NR5A2: variants seen among roughly 807,000 people sequenced by gnomAD.
The protein encoded by NR5A2 is CYP7A promoter-binding factor.
Under a neutral mutation model 62.7 loss-of-function variants are expected in NR5A2, and 26 were observed. The ratio of observed to expected loss-of-function variants is 0.41; its 90% CI spans 0.30 to 0.58. NR5A2 has a LOEUF of 0.58. Ranked by LOEUF, NR5A2 falls within the 20% of genes least tolerant of loss-of-function variation. NR5A2 has a pLI of 0.22. For synonymous variants in NR5A2, 246 were observed against 241.7 expected (o/e 1.02, Z -0.16); for missense variants, 541 against 669.1 (o/e 0.81, Z 2.11).
At chr1:200,037,172 C>G (rs1056979712) in intron 1 of NR5A2, among the ~76,000 whole-genome samples, 1 of 152,200 alleles carries the variant, frequency 6.6e-6, no homozygotes, top group Non-Finnish European at 1.5e-5. Context: ...GCGTTATGAG[C>G]ATGGTCACAA....
At chr1:200,160,683 G>A (rs1454686423) in intron 7 of NR5A2, among the ~76,000 whole-genome samples, 2 of 151,468 alleles carry the variant, frequency 1.3e-5, no homozygotes, top group Non-Finnish European at 2.9e-5. Flanking sequence ...ACCTGAGGCA[G>A]TTTTCCTCAT....
intron 7 of NR5A2, among the ~76,000 whole-genome samples, chr1:200,145,052 C>G (rs1459765109): frequency 6.6e-6 from 1 of 152,172 alleles, no homozygotes; most frequent in Non-Finnish European, 1.5e-5. Context: ...TGGCTCACAC[C>G]TGTAATCCCA....
At chr1:200,061,042 C>A (rs115221859) in intron 5 of NR5A2, among the ~76,000 whole-genome samples, 5,802 of 148,622 alleles carry the variant, frequency 0.039, 320 homozygotes, top group African/African-American at 0.13. Flanking sequence ...ATTGGTCGAA[C>A]CCAGGAGGCG....
intron 7 of NR5A2, among the ~76,000 whole-genome samples, chr1:200,134,405 A>G (rs1247379500): frequency 6.6e-6 from 1 of 152,144 alleles, no homozygotes; most frequent in African/African-American, 2.4e-5. Flanking sequence ...TTTTTACTAT[A>G]CCTTGTTTTC....
intron 5 of NR5A2, among the ~76,000 whole-genome samples, chr1:200,096,394 GC>G (rs1665101157): frequency 1.3e-5 from 2 of 152,222 alleles, no homozygotes; most frequent in African/African-American, 4.8e-5. Context: ...GGCCTGTGCT[GC>G]CTTCCTGACA....
intron 7 of NR5A2, among the ~76,000 whole-genome samples, chr1:200,144,233 TCA>T (rs60365337): frequency 1.6e-4 from 13 of 80,124 alleles, no homozygotes; most frequent in African/African-American, 4.6e-4. Flanking sequence ...TCTCTCTCTC[TCA>T]CACACACACA....
intron 1 of NR5A2, chr1:200,029,154 C>G (rs866700119): frequency 4.8e-6 from 2 of 415,768 alleles, no homozygotes; most frequent in African/African-American, 4.3e-5. Context: ...CAGCTCCGCG[C>G]AGCTCCGGTT....
At chr1:200,049,850 G>A (rs891893103) in intron 5 of NR5A2, among the ~76,000 whole-genome samples, 12 of 152,176 alleles carry the variant, frequency 7.9e-5, no homozygotes, top group Admixed American at 3.9e-4. Context: ...GTTAAAAATC[G>A]TCTGTGTAAG....
At chr1:200,091,553 C>T (rs887743483) in intron 5 of NR5A2, among the ~76,000 whole-genome samples, 5 of 147,454 alleles carry the variant, frequency 3.4e-5, no homozygotes, top group Non-Finnish European at 7.4e-5. Context: ...GGCGTGATCT[C>T]GGCTCACTGC....
At chr1:200,053,201 C>T (rs1662740249) in intron 5 of NR5A2, among the ~76,000 whole-genome samples, 2 of 152,124 alleles carry the variant, frequency 1.3e-5, no homozygotes, top group Admixed American at 1.3e-4. Context: ...GGGAAAAGGG[C>T]TAGAGGACAC....
intron 5 of NR5A2, among the ~76,000 whole-genome samples, chr1:200,106,946 A>C (rs1377810803): frequency 1.3e-5 from 2 of 152,226 alleles, no homozygotes; most frequent in African/African-American, 4.8e-5. Flanking sequence ...CACATAATCA[A>C]TTATGGAAAA....
At chr1:200,162,997 T>C (rs1653713746) in intron 7 of NR5A2, among the ~76,000 whole-genome samples, 1 of 151,960 alleles carries the variant, frequency 6.6e-6, no homozygotes, top group South Asian at 2.1e-4. Context: ...TCCACATGGG[T>C]CACTGAGTGA....
chr1:200,162,093 CG>C (rs1456794829), intron 7 of NR5A2, among the ~76,000 whole-genome samples: 1 of 152,168 alleles, frequency 6.6e-6, no homozygotes, highest in Non-Finnish European at 1.5e-5. Context: ...TGAAACAAAA[CG>C]GATTCTCTTA....
At chr1:200,143,009 C>T (rs183835954) in intron 7 of NR5A2, among the ~76,000 whole-genome samples, 2 of 152,052 alleles carry the variant, frequency 1.3e-5, no homozygotes, top group East Asian at 3.9e-4. Context: ...CAATATATAT[C>T]TTGCTGTATA....
chr1:200,075,097 T>C (rs1425624639), intron 5 of NR5A2, among the ~76,000 whole-genome samples: 3 of 152,224 alleles, frequency 2.0e-5, no homozygotes, highest in Non-Finnish European at 4.4e-5. Flanking sequence ...GACAGCTCTG[T>C]GGTAATTTCA....
At chr1:200,102,550 C>T (rs530394302) in intron 5 of NR5A2, among the ~76,000 whole-genome samples, 2 of 152,114 alleles carry the variant, frequency 1.3e-5, no homozygotes, top group East Asian at 3.9e-4. Flanking sequence ...TGGGCAGGAC[C>T]GAGGAGGCCC....
intron 5 of NR5A2, among the ~76,000 whole-genome samples, chr1:200,079,096 G>A (rs1286471852): frequency 6.6e-6 from 1 of 152,162 alleles, no homozygotes; most frequent in East Asian, 1.9e-4. Flanking sequence ...TGACAGAAAT[G>A]ATTTCAATTA....
At chr1:200,029,028 T>C (rs895358830) in intron 1 of NR5A2, 3 of 440,962 alleles carry the variant, frequency 6.8e-6, no homozygotes, top group Non-Finnish European at 1.4e-5. Context: ...TCAATTGTTC[T>C]GCAGATAACA....
chr1:200,166,210 T>C (rs16846169), intron 7 of NR5A2, among the ~76,000 whole-genome samples: 7,038 of 152,218 alleles, frequency 0.046, 365 homozygotes, highest in East Asian at 0.28. Flanking sequence ...GGGAGCTTTT[T>C]TTCTAAACCA....
Sources: allele counts gnomAD v4.1 joint callset (sites outside exome capture counted in the v4.1 genomes callset), GRCh38; gene constraint gnomAD v4.1.1; transcripts MANE v1.5; gene names NCBI Gene and HGNC (gene_info 2026-07-23, HGNC 2026-07-21).